ATP8B4: variants seen among roughly 807,000 people sequenced by gnomAD.
ATP8B4 encodes ATPase phospholipid transporting 8B4 (putative).
ATP8B4 carries 133 observed loss-of-function variants against 145.6 expected under a neutral mutation model. That is an observed-to-expected ratio of 0.91 (90% CI 0.79 to 1.05). ATP8B4 has a LOEUF of 1.05. Among genes scored for constraint, ATP8B4 ranks in the 50% least tolerant of loss-of-function variants. The pLI, the probability that ATP8B4 is intolerant of heterozygous loss-of-function variation, is 0.00. For missense variants in ATP8B4, 1,458 were observed against 1,425.2 expected (o/e 1.02, Z -0.37); for synonymous variants, 507 against 492.9 (o/e 1.03, Z -0.38).
At chr15:50,016,587 G>A (rs2049105154) in intron 6 of ATP8B4, among the ~76,000 whole-genome samples, 2 of 152,170 alleles carry the variant, frequency 1.3e-5, no homozygotes, top group African/African-American at 4.8e-5. Context: ...CAAGACCACG[G>A]AGAGCTCTGG....
intron 1 of ATP8B4, 112 bp downstream of exon 1, chr15:50,119,011 A>G (rs577590018): frequency 2.0e-5 from 3 of 152,132 alleles, no homozygotes; most frequent in Non-Finnish European, 4.4e-5. Flanking sequence ...ACCAAGATGA[A>G]AACAGCAAAA....
intron 1 of ATP8B4, among the ~76,000 whole-genome samples, chr15:50,156,089 T>C (rs189652571): frequency 0.45 from 8,988 of 19,892 alleles, 615 homozygotes; most frequent in Admixed American, 0.5. Flanking sequence ...TATATATATA[T>C]ATAAATATAT....
intron 13 of ATP8B4, among the ~76,000 whole-genome samples, chr15:49,965,645 G>GC (rs1455036895): frequency 6.6e-6 from 1 of 152,180 alleles, no homozygotes; most frequent in African/African-American, 2.4e-5. Context: ...ATTCAAGGCA[G>GC]CCCCGTAAAT....
intron 1 of ATP8B4, among the ~76,000 whole-genome samples, chr15:50,153,016 T>C (rs1221849706): frequency 1.3e-5 from 2 of 152,204 alleles, no homozygotes; most frequent in Non-Finnish European, 2.9e-5. Flanking sequence ...ACAGAAAGAA[T>C]GTGTCCAAAG....
intron 1 of ATP8B4, among the ~76,000 whole-genome samples, chr15:50,154,058 C>T (rs2044382752): frequency 1.3e-5 from 2 of 152,138 alleles, no homozygotes. Context: ...TAATCATAGC[C>T]AACTTGATCA....
chr15:50,102,790 A>C (rs1250633504), intron 2 of ATP8B4, among the ~76,000 whole-genome samples: 2 of 152,010 alleles, frequency 1.3e-5, no homozygotes, highest in East Asian at 3.9e-4. Flanking sequence ...ACATAACAAA[A>C]AAAAAAAAAC....
At chr15:50,104,027 A>G (rs978320156) in intron 2 of ATP8B4, among the ~76,000 whole-genome samples, 5 of 152,192 alleles carry the variant, frequency 3.3e-5, no homozygotes, top group African/African-American at 9.6e-5. Context: ...TTGGCAAGCC[A>G]CATGTGGAAG....
At chr15:50,113,090 C>T (rs2057029028) in intron 1 of ATP8B4, 2 of 152,650 alleles carry the variant, frequency 1.3e-5, no homozygotes, top group Admixed American at 1.3e-4. Flanking sequence ...GCCCTAGGTT[C>T]CCAGAGCCTG....
At chr15:50,056,536 G>A (rs1025693645) in intron 3 of ATP8B4, among the ~76,000 whole-genome samples, 5 of 152,166 alleles carry the variant, frequency 3.3e-5, no homozygotes, top group Admixed American at 2.0e-4. Flanking sequence ...CCTACTTGGT[G>A]AGACCAGTGG....
At chr15:49,932,141 A>G (rs1038361690) in intron 15 of ATP8B4, among the ~76,000 whole-genome samples, 6 of 151,932 alleles carry the variant, frequency 3.9e-5, no homozygotes, top group African/African-American at 1.4e-4. Context: ...CCTGATTTAT[A>G]GTCATGTCCA....
At chr15:50,020,975 A>G (rs1270994745) in intron 6 of ATP8B4, among the ~76,000 whole-genome samples, 1 of 152,206 alleles carries the variant, frequency 6.6e-6, no homozygotes, top group Non-Finnish European at 1.5e-5. Flanking sequence ...AAAATAATAA[A>G]AATTGATACA....
At chr15:49,900,740 T>A (rs1475674627) in intron 21 of ATP8B4, among the ~76,000 whole-genome samples, 3 of 152,166 alleles carry the variant, frequency 2.0e-5, no homozygotes, top group South Asian at 2.1e-4. Flanking sequence ...TTATAATACA[T>A]CCACCCAGTT....
chr15:49,942,792 T>G (rs1163744023), intron 14 of ATP8B4, among the ~76,000 whole-genome samples: 1 of 151,748 alleles, frequency 6.6e-6, no homozygotes, highest in Admixed American at 6.6e-5. Flanking sequence ...GCCACTGCAC[T>G]CCAGCCTGGG....
intron 23 of ATP8B4, chr15:49,883,601 T>C (rs1326489890): frequency 6.6e-6 from 1 of 152,222 alleles, no homozygotes; most frequent in African/African-American, 2.4e-5. Context: ...GTAGGTACTA[T>C]TGATAGTTCC....
intron 5 of ATP8B4, among the ~76,000 whole-genome samples, chr15:50,043,387 CT>C (rs2051456842): frequency 6.6e-6 from 1 of 152,142 alleles, no homozygotes; most frequent in African/African-American, 2.4e-5. Context: ...TAAATTTGAA[CT>C]GCACAGGTCC....
chr15:49,922,113 T>C (rs1447453794), intron 17 of ATP8B4: 1 of 167,110 alleles, frequency 6.0e-6, no homozygotes, highest in East Asian at 1.8e-4. Flanking sequence ...GGTCTTTTCC[T>C]ATCATTAAAC....
At chr15:50,159,247 T>A (rs1315859905) in intron 1 of ATP8B4, among the ~76,000 whole-genome samples, 1 of 152,244 alleles carries the variant, frequency 6.6e-6, no homozygotes, top group Non-Finnish European at 1.5e-5. Flanking sequence ...GTATTTTATT[T>A]TATTTGTAGC....
Position 49,972,677 on chromosome 15 carries a change from A to C in ATP8B4, c.1148T>G (p.Leu383Arg). The C allele has an allele frequency of 6.2e-7, 1 of 1,614,004 alleles. No homozygotes were observed. The highest frequency in any genetic ancestry group is 8.5e-7 in the Non-Finnish European group (1 of 1,179,972). Residue 383 changes from leucine to arginine, a missense_variant, in exon 13 of 28, where the codon CTG (leucine) becomes CGG (arginine). By Grantham distance (102) the Leu-to-Arg change is moderately radical. Coordinates refer to ENST00000284509, the MANE Select transcript of ATP8B4 (RefSeq NM_024837.4). ...VARTTTLNEE[L>R]GQIEYIFSDK... ...GGAGAAAATGTACTCAATCTGCCCCAGTTCCTCATTGAGCGTGGTCGTTCG... is the reference window on the plus strand; with the variant it reads ...GGAGAAAATGTACTCAATCTGCCCCCGTTCCTCATTGAGCGTGGTCGTTCG...
At position 50,134,826 on chromosome 15, in the gene ATP8B4, C is replaced by A. The variant is rs1010594143; in HGVS notation, c.-42-27818G>T. Among the ~76,000 whole-genome samples, 6 of 152,228 alleles carry A rather than the reference C, an allele frequency of 3.9e-5. No homozygotes were observed. The East Asian group carries it at 5.8e-4, about 15-fold the overall frequency. ...GCTAGGGGAATGTTGGTGGCATTGA[C>A]AAAAATAAGGAGAGTGAACGTGGAA... On this transcript the variant is annotated intron_variant, in intron 1 of 3. Transcript: ENST00000558829.
Sources: gnomAD v4.1 joint callset for allele counts (sites outside exome capture counted in the v4.1 genomes callset) on GRCh38, gnomAD v4.1.1 for gene constraint, MANE v1.5 for transcripts, NCBI Gene and HGNC (gene_info 2026-07-23, HGNC 2026-07-21) for gene names.